Variants in DMD observed in about 807,000 individuals in gnomAD.
DMD encodes mutant dystrophin.
In DMD, 63 loss-of-function variants were observed where a neutral mutation model predicts 330.1. The observed-to-expected ratio is 0.19, with a 90% CI of 0.16 to 0.24. The LOEUF (loss-of-function observed/expected upper bound fraction) is 0.24. Among genes scored for constraint, DMD ranks in the 10% least tolerant of loss-of-function variants. The pLI, the probability that DMD is intolerant of heterozygous loss-of-function variation, is 1.00. For synonymous variants in DMD, 1,223 were observed against 959.8 expected, an observed-to-expected ratio of 1.27 and a Z score of -5.07; for missense variants, 3,344 against 2,684.1, an observed-to-expected ratio of 1.25 and a Z score of -5.43.
At chrX:33,280,637 C>A (rs1278025105) in intron 1 of DMD, among the ~76,000 whole-genome samples, 1 of 111,555 alleles carries the variant, frequency 9.0e-6, no homozygotes, top group Admixed American at 9.5e-5. Context: ...GTGATGGTTT[C>A]ACAGGTATAT....
At chrX:33,121,605 C>G (rs5972756) in intron 1 of DMD, among the ~76,000 whole-genome samples, 4 of 110,776 alleles carry the variant, frequency 3.6e-5, no homozygotes, top group African/African-American at 1.3e-4. Flanking sequence ...AAGCTACTTA[C>G]GTTCCAAAAT....
intron 44 of DMD, among the ~76,000 whole-genome samples, chrX:32,097,039 C>T (rs1408885820): frequency 2.7e-5 from 3 of 111,414 alleles, no homozygotes; most frequent in African/African-American, 9.8e-5. Flanking sequence ...AATCATTTAA[C>T]CCCCATTAAT....
intron 53 of DMD, among the ~76,000 whole-genome samples, chrX:31,664,529 CT>C (rs57706460): frequency 2.0e-3 from 127 of 63,735 alleles, no homozygotes; most frequent in Admixed American, 3.6e-3. Flanking sequence ...AGTGTTCAAG[CT>C]TTTTTTTTTT....
At chrX:32,727,405 C>T (rs1303938632) in intron 7 of DMD, among the ~76,000 whole-genome samples, 1 of 110,851 alleles carries the variant, frequency 9.0e-6, no homozygotes, top group Non-Finnish European at 1.9e-5. Flanking sequence ...GAGCAGAACT[C>T]TAAATTCTGA....
intron 52 of DMD, among the ~76,000 whole-genome samples, chrX:31,679,814 T>C (rs751110499): frequency 8.9e-6 from 1 of 112,084 alleles, no homozygotes; most frequent in South Asian, 3.7e-4. Context: ...AACATATATA[T>C]AAAATTTTAA....
intron 2 of DMD, among the ~76,000 whole-genome samples, chrX:32,985,374 C>T (rs2092816944): frequency 8.9e-6 from 1 of 111,993 alleles, no homozygotes; most frequent in Admixed American, 9.5e-5. Flanking sequence ...ATGTACAATG[C>T]ACTCTAAAAC....
intron 1 of DMD, chrX:33,339,188 T>C: frequency 6.0e-6 from 6 of 1,004,154 alleles, no homozygotes; most frequent in Non-Finnish European, 7.9e-6. Flanking sequence ...AGCTGCTTGT[T>C]CAAACATATG....
intron 48 of DMD, among the ~76,000 whole-genome samples, chrX:31,850,775 A>G (rs189578948): frequency 8.9e-6 from 1 of 112,670 alleles, no homozygotes; most frequent in East Asian, 2.8e-4. Context: ...GTTATATGTC[A>G]CTGGAATTTT....
chrX:32,491,578 T>C, intron 19 of DMD, 60 bp from the exon 20 acceptor site: 2 of 1,097,140 alleles, frequency 1.8e-6, no homozygotes, highest in Non-Finnish European at 2.5e-6. Flanking sequence ...AGAAATGATC[T>C]GAAAGCCAAC....
At chrX:32,416,787 G>A (rs1190814215) in intron 29 of DMD, among the ~76,000 whole-genome samples, 1 of 111,533 alleles carries the variant, frequency 9.0e-6, no homozygotes, top group African/African-American at 3.3e-5. Flanking sequence ...CCCATGAGAG[G>A]ACATTAATCT....
At chrX:32,669,238 T>A (rs1003855389) in intron 9 of DMD, among the ~76,000 whole-genome samples, 5 of 111,690 alleles carry the variant, frequency 4.5e-5, no homozygotes, top group Non-Finnish European at 7.5e-5. Flanking sequence ...TTTTCCACAC[T>A]TATACTTAAA....
chrX:31,179,484 G>C (rs1478188992), intron 69 of DMD, among the ~76,000 whole-genome samples: 1 of 112,474 alleles, frequency 8.9e-6, no homozygotes, highest in Non-Finnish European at 1.9e-5. Context: ...ATGATGATTA[G>C]TCAACAGACC....
At chrX:32,517,458 A>G (rs2045965712) in intron 18 of DMD, 1 of 112,564 alleles carries the variant, frequency 8.9e-6, no homozygotes, top group South Asian at 3.6e-4. Flanking sequence ...AGCATCTGCT[A>G]CCACATGTAA....
chrX:32,393,103 T>C (rs1383195381), intron 30 of DMD, among the ~76,000 whole-genome samples: 1 of 112,307 alleles, frequency 8.9e-6, no homozygotes, highest in African/African-American at 3.2e-5. Flanking sequence ...ATTAGTCCCT[T>C]CTTGAGTCAA....
intron 2 of DMD, among the ~76,000 whole-genome samples, chrX:32,933,789 TAC>T (rs1338043242): frequency 8.9e-6 from 1 of 111,765 alleles, no homozygotes; most frequent in Non-Finnish European, 1.9e-5. Context: ...GAAAAGCCAT[TAC>T]AGACTAAATA....
chrX:32,342,353 T>A, intron 40 of DMD, 71 bp from the exon 41 acceptor site: 1 of 1,089,242 alleles, frequency 9.2e-7, no homozygotes. Context: ...AAGCAGCAAA[T>A]ACTTCTCTCA....
At chrX:32,069,736 G>C (rs1188162584) in intron 44 of DMD, among the ~76,000 whole-genome samples, 7 of 111,773 alleles carry the variant, frequency 6.3e-5, no homozygotes, top group Non-Finnish European at 1.3e-4. Flanking sequence ...TGACTTGTCA[G>C]AGTGCATTTT....
chrX:32,516,461 A>C (rs1427451603), intron 18 of DMD: 3 of 111,645 alleles, frequency 2.7e-5, no homozygotes, highest in Admixed American at 9.6e-5. Flanking sequence ...GCTATTGATA[A>C]AATGCAAATC....
chrX:32,410,679 G>T (rs1357758637), intron 30 of DMD, among the ~76,000 whole-genome samples: 1 of 111,554 alleles, frequency 9.0e-6, no homozygotes, highest in African/African-American at 3.3e-5. Context: ...TATAAGATTT[G>T]AAAAGCAGAT....
Sources: gnomAD v4.1 joint callset for allele counts (sites outside exome capture counted in the v4.1 genomes callset) on GRCh38, gnomAD v4.1.1 for gene constraint, MANE v1.5 for transcripts, NCBI Gene and HGNC (gene_info 2026-07-23, HGNC 2026-07-21) for gene names.